DOCK5: variants seen among roughly 807,000 people sequenced by gnomAD.
The protein encoded by DOCK5 is dedicator of cytokinesis 5, also known as dedicator of cytokinesis protein 5.
Under a neutral mutation model 251.8 loss-of-function variants are expected in DOCK5, and 142 were observed. The observed-to-expected ratio is 0.56, with a 90% CI of 0.49 to 0.65. The LOEUF is 0.65. Ranked by LOEUF, DOCK5 falls within the 30% of genes least tolerant of loss-of-function variation. The pLI is 0.00. For missense variants in DOCK5, 2,111 were observed against 2,312.3 expected, an observed-to-expected ratio of 0.91 and a Z score of 1.79; for synonymous variants, 842 against 835.5, an observed-to-expected ratio of 1.01 and a Z score of -0.13.
intron 50 of DOCK5, 141 bp downstream of exon 50, chr8:25,409,081 C>A: frequency 7.8e-7 from 1 of 1,280,588 alleles, no homozygotes; most frequent in Non-Finnish European, 1.1e-6. Context: ...GTGTATTATA[C>A]AGTTAGACTG....
chr8:25,194,067 C>G (rs1439803121), intron 1 of DOCK5, among the ~76,000 whole-genome samples: 1 of 151,586 alleles, frequency 6.6e-6, no homozygotes, highest in African/African-American at 2.4e-5. Context: ...GGGTGTATCA[C>G]CTGAGGTCAG....
chr8:25,319,759 T>C, intron 15 of DOCK5, 83 bp downstream of exon 15: 1 of 1,028,100 alleles, frequency 9.7e-7, no homozygotes, highest in South Asian at 1.6e-5. Flanking sequence ...AAATTATTCC[T>C]ACTTTATTTT....
Position 25,411,579 on chromosome 8 carries a change from GC to G in DOCK5, c.*283del, listed in dbSNP as rs1348370702. The G allele has an allele frequency of 9.2e-6, 3 of 324,412 alleles. No individual in the cohort carries two copies. The highest frequency in any genetic ancestry group is 1.7e-5 in the Non-Finnish European group (3 of 180,372). 20.1% of individuals were successfully genotyped at this position (324,412 alleles called of 1,614,324 possible). On this transcript the variant is annotated 3_prime_UTR_variant, in exon 52 of 52. Coordinates refer to ENST00000276440, the MANE Select transcript of DOCK5 (RefSeq NM_024940.8). ...TTGCCTTCACCATTGTTAAATGTCA[GC>G]CTGTACGGCAGAGACATGGTGGTCT...
chr8:25,242,432 C>G (rs992119837), intron 1 of DOCK5, among the ~76,000 whole-genome samples: 1 of 152,208 alleles, frequency 6.6e-6, no homozygotes, highest in Admixed American at 6.5e-5. Context: ...TACATTCCTA[C>G]CAGCAATGCG....
intron 1 of DOCK5, among the ~76,000 whole-genome samples, chr8:25,190,791 T>G (rs1024803696): frequency 8.3e-6 from 1 of 120,290 alleles, no homozygotes. Flanking sequence ...TTTTTTTTTT[T>G]TTTTTTTTTT....
intron 1 of DOCK5, among the ~76,000 whole-genome samples, chr8:25,237,931 G>A (rs937747466): frequency 6.6e-6 from 1 of 152,060 alleles, no homozygotes; most frequent in Non-Finnish European, 1.5e-5. Context: ...TGTGTAAGTG[G>A]TAAAGTTGAG....
At chr8:25,317,617 GT>G (rs1231152140) in intron 14 of DOCK5, among the ~76,000 whole-genome samples, 1 of 152,080 alleles carries the variant, frequency 6.6e-6, no homozygotes, top group Non-Finnish European at 1.5e-5. Flanking sequence ...TTGTTTGTTT[GT>G]TTGTTTTTTT....
At chr8:25,200,522 C>G (rs1162798532) in intron 1 of DOCK5, among the ~76,000 whole-genome samples, 1 of 152,158 alleles carries the variant, frequency 6.6e-6, no homozygotes, top group Non-Finnish European at 1.5e-5. Flanking sequence ...AAAAATGATA[C>G]TGAGTCGTTT....
rs1359374463 is a variant in DOCK5 at position 25,358,945 on chromosome 8, C to T, written c.2851-18C>T. On this transcript the variant is annotated intron_variant, in intron 27 of 51. Transcript: ENST00000276440. ...TGGTCTAAGGAGTCTTGGATTTGTGCTTTCCTTTTCCTTCCAGGGGAGTTT... is the reference window on the plus strand; with the variant it reads ...TGGTCTAAGGAGTCTTGGATTTGTGTTTTCCTTTTCCTTCCAGGGGAGTTT... 6.2e-7 allele frequency: 1 copy of T among 1,610,670 alleles called. No individual in the cohort carries two copies. Among genetic ancestry groups the T allele is most frequent in the Admixed American group, 1.7e-5 (1 of 59,976 alleles).
In DOCK5 at chr8:25,391,887, C is replaced by T. The variant is rs1314959043; in HGVS notation, c.4356-9C>T. 6.2e-7 allele frequency: 1 copy of T among 1,613,254 alleles called. No individual in the cohort carries two copies. Among genetic ancestry groups the T allele is most frequent in the South Asian group, 1.1e-5 (1 of 90,948 alleles). ...GAGAAAAATACAGCATTGCTTTGTC[C>T]TTCTCCAGCTACTACAGAGCCAATG... On this transcript the variant is annotated splice_polypyrimidine_tract_variant and intron_variant, in intron 42 of 51. Coordinates refer to ENST00000276440, the MANE Select transcript of DOCK5 (RefSeq NM_024940.8).
At chr8:25,226,590 G>GTT (rs574512849) in intron 1 of DOCK5, among the ~76,000 whole-genome samples, 3,907 of 142,638 alleles carry the variant, frequency 0.027, 168 homozygotes, top group African/African-American at 0.088. Context: ...TTAATTTTAA[G>GTT]TTTTTTTTTT....
intron 2 of DOCK5, among the ~76,000 whole-genome samples, chr8:25,249,613 C>T (rs961929202): frequency 1.3e-5 from 2 of 152,140 alleles, no homozygotes; most frequent in Admixed American, 1.3e-4. Flanking sequence ...CTCGCCCTCT[C>T]TCTTGCTCTG....
intron 25 of DOCK5, among the ~76,000 whole-genome samples, chr8:25,344,156 T>G (rs1800315371): frequency 6.6e-6 from 1 of 152,166 alleles, no homozygotes; most frequent in Non-Finnish European, 1.5e-5. Flanking sequence ...ATTACTAGTA[T>G]TCTGCTGGGA....
chr8:25,407,624 C>T (rs1801544738), intron 48 of DOCK5, among the ~76,000 whole-genome samples: 1 of 152,032 alleles, frequency 6.6e-6, no homozygotes, highest in Non-Finnish European at 1.5e-5. Context: ...CTAGCCTTAG[C>T]ACTTTGGGAG....
chr8:25,336,348 A>C lies in DOCK5; in HGVS notation c.2302A>C (p.Ile768Leu). ...KALKYLFRFIIQSRVLYLRFY... is the reference protein window; with the variant it reads ...KALKYLFRFILQSRVLYLRFY... The stretch of plus-strand genomic sequence containing the variant: ...CTTGAAGTACTTGTTTAGATTCATC[A>C]TCCAATCCCGAGTGCTCTACTTGAG... Residue 768 changes from isoleucine (I) to leucine (L), a missense_variant, in exon 22 of 52, where the codon ATC (isoleucine) becomes CTC (leucine). Physicochemically the swap from Ile to Leu is conservative, Grantham distance 5. Transcript: ENST00000276440. 6.2e-7 allele frequency: 1 copy of C among 1,613,942 alleles called. No individual in the cohort carries two copies. The highest frequency in any genetic ancestry group is 8.5e-7 in the Non-Finnish European group (1 of 1,179,834).
chr8:25,361,091 G>A (rs540957406), intron 28 of DOCK5, among the ~76,000 whole-genome samples: 31 of 152,200 alleles, frequency 2.0e-4, no homozygotes, highest in East Asian at 1.4e-3. Context: ...TGAGTGAACC[G>A]CATGAAGGCC....
In DOCK5 at chr8:25,268,852, C is replaced by T. The variant is rs759141209; in HGVS notation, c.135C>T (p.Tyr45=). ...TCTCTTTTGCTCTGACAGGTTGGTA[C>T]AGAGGATATACCCTCCAAAATAAAT... ...VHILEMYEGW[Y]RGYTLQNKSK... is the part of the protein sequence containing the mutation. Residue 45 remains tyrosine, a synonymous_variant, in exon 3 of 52, where the codon TAC becomes TAT. Coordinates refer to ENST00000276440, the MANE Select transcript of DOCK5 (RefSeq NM_024940.8). 2 of 1,571,110 alleles carry T rather than the reference C, an allele frequency of 1.3e-6. No individual in the cohort carries two copies. Among genetic ancestry groups the T allele is most frequent in the Non-Finnish European group, 1.7e-6 (2 of 1,161,832 alleles).
intron 51 of DOCK5, among the ~76,000 whole-genome samples, chr8:25,410,681 C>T (rs7462441): frequency 0.049 from 6,789 of 137,336 alleles, 513 homozygotes; most frequent in African/African-American, 0.18. Flanking sequence ...AGGCTGATCT[C>T]AAACTCCTGG....
chr8:25,221,752 A>T (rs761041010), intron 1 of DOCK5, among the ~76,000 whole-genome samples: 4 of 152,180 alleles, frequency 2.6e-5, no homozygotes, highest in South Asian at 2.1e-4. Flanking sequence ...TTTAATCCTC[A>T]CAGGAATCAT....
Sources: allele counts gnomAD v4.1 joint callset (sites outside exome capture counted in the v4.1 genomes callset), GRCh38; gene constraint gnomAD v4.1.1; transcripts MANE v1.5; gene names NCBI Gene and HGNC (gene_info 2026-07-23, HGNC 2026-07-21).